The following KIF13B variants were observed in gnomAD, a reference collection of about 807,000 sequenced individuals.
KIF13B encodes the protein kinesin family member 13B.
In KIF13B, 127 loss-of-function variants were observed where a neutral mutation model predicts 222.0. The ratio of observed to expected loss-of-function variants is 0.57; its 90% CI spans 0.50 to 0.66. The LOEUF is 0.66. KIF13B is among the 30% of genes least tolerant of loss of function. KIF13B has a pLI of 0.00. For synonymous variants in KIF13B, 976 were observed against 919.0 expected, an observed-to-expected ratio of 1.06 and a Z score of -1.12; for missense variants, 2,173 against 2,379.0, an observed-to-expected ratio of 0.91 and a Z score of 1.80.
At chr8:29,180,776 AAAC>A (rs1812679184) in intron 7 of KIF13B, among the ~76,000 whole-genome samples, 1 of 152,112 alleles carries the variant, frequency 6.6e-6, no homozygotes, top group African/African-American at 2.4e-5. Flanking sequence ...TAAAAAAGAG[AAAC>A]AACAAAATAC....
rs551907005 is a variant in KIF13B, at chr8:29,089,517, G to A, written c.4458+3228C>T. On this transcript the variant is annotated intron_variant, in intron 37 of 39. Coordinates refer to ENST00000524189, the MANE Select transcript of KIF13B (RefSeq NM_015254.4). ...CTTCTATGTACCAGGCACCATTCTG[G>A]CACAACAAGCCTTGCCCTCAGGGAA... is the stretch of plus-strand genomic sequence containing the variant. 3.9e-5 allele frequency among the ~76,000 whole-genome samples: 6 copies of A among 152,230 alleles called. No homozygotes were observed. The South Asian group carries it at 8.3e-4, about 21-fold the overall frequency.
In KIF13B at chr8:29,108,257, G is replaced by A; in HGVS notation, c.4162-65C>T. On this transcript the variant is annotated intron_variant, in intron 34 of 39. Transcript: ENST00000524189. The stretch of plus-strand genomic sequence containing the variant: ...AGAGCATACACGTGGTCTAGGCAAC[G>A]CCAGTCTTTGCCAACCCAGTCAACC... The A allele has an allele frequency of 5.5e-6, 8 of 1,461,022 alleles. No individual in the cohort carries two copies. In the East Asian group the frequency reaches 7.1e-5, roughly 13 times the overall value. The allele number at this position is 1,461,022 out of a possible 1,614,324, so 90.5% of individuals were successfully genotyped here.
intron 21 of KIF13B, among the ~76,000 whole-genome samples, chr8:29,138,834 G>A (rs1366264993): frequency 2.6e-5 from 4 of 152,122 alleles, no homozygotes; most frequent in Admixed American, 2.6e-4. Flanking sequence ...GCATACCAGG[G>A]CCTAAAGACT....
At position 29,177,420 on chromosome 8, in the gene KIF13B, C is replaced by G. The variant is rs371733355; in HGVS notation, c.833+46G>C. 1.5e-4 allele frequency: 181 copies of G among 1,195,954 alleles called. No individual in the cohort carries two copies. The African/African-American group carries it at 2.3e-3, about 15-fold the overall frequency. The allele number at this position is 1,195,954 out of a possible 1,614,324, so 74.1% of individuals were successfully genotyped here. A position where few individuals can be genotyped will look rare whatever the true frequency, so the allele number is the denominator to read the frequency against. On this transcript the variant is annotated intron_variant, in intron 9 of 39. Coordinates refer to ENST00000524189, the MANE Select transcript of KIF13B (RefSeq NM_015254.4). ...ATAACCACAGATGTTCCCCTATTGG[C>G]TATTAAATAAATAAAGCAATAAAAA...
chr8:29,253,184 T>A (rs896505958), intron 1 of KIF13B, among the ~76,000 whole-genome samples: 8 of 151,532 alleles, frequency 5.3e-5, no homozygotes, highest in East Asian at 1.9e-4. Flanking sequence ...AAAACAAATT[T>A]AAAAAAAATA....
intron 2 of KIF13B, among the ~76,000 whole-genome samples, chr8:29,197,244 G>A (rs1813471120): frequency 1.4e-5 from 2 of 146,172 alleles, no homozygotes; most frequent in Admixed American, 1.4e-4. Flanking sequence ...GGCTGAGGCA[G>A]GAGAATGGCG....
chr8:29,251,196 T>G (rs997609760), intron 1 of KIF13B, among the ~76,000 whole-genome samples: 3 of 152,006 alleles, frequency 2.0e-5, no homozygotes, highest in African/African-American at 4.8e-5. Context: ...AGTTACAAAT[T>G]TAAGCCTTAA....
intron 1 of KIF13B, among the ~76,000 whole-genome samples, chr8:29,254,016 T>C (rs1010511904): frequency 2.0e-5 from 3 of 152,100 alleles, no homozygotes; most frequent in Admixed American, 2.0e-4. Context: ...TGGAATGGAA[T>C]TGGGAGTCCA....
intron 10 of KIF13B, among the ~76,000 whole-genome samples, chr8:29,174,451 G>A (rs576940094): frequency 1.9e-4 from 29 of 152,004 alleles, no homozygotes; most frequent in African/African-American, 6.7e-4. Flanking sequence ...TTTTTTTAGG[G>A]TAAAAGCACT....
intron 2 of KIF13B, among the ~76,000 whole-genome samples, chr8:29,233,671 T>G (rs533030246): frequency 7.2e-5 from 11 of 152,374 alleles, no homozygotes; most frequent in African/African-American, 2.6e-4. Flanking sequence ...AGATATTTTT[T>G]GAATTAGAAG....
At chr8:29,084,937 T>C (rs1807976897) in intron 37 of KIF13B, among the ~76,000 whole-genome samples, 1 of 152,216 alleles carries the variant, frequency 6.6e-6, no homozygotes. Flanking sequence ...AGTGCAGTAT[T>C]TTTGCATTTC....
chr8:29,179,397 G>A (rs1812616829), intron 8 of KIF13B, among the ~76,000 whole-genome samples: 1 of 152,214 alleles, frequency 6.6e-6, no homozygotes, highest in African/African-American at 2.4e-5. Context: ...GATTACAGGT[G>A]TGAGGCACAG....
At chr8:29,235,050 A>C (rs570948033) in intron 2 of KIF13B, among the ~76,000 whole-genome samples, 2 of 152,250 alleles carry the variant, frequency 1.3e-5, no homozygotes, top group East Asian at 1.9e-4. Context: ...CATTATAAAC[A>C]GAATTGTTTA....
intron 2 of KIF13B, among the ~76,000 whole-genome samples, chr8:29,211,955 A>G (rs1814247776): frequency 6.6e-6 from 1 of 152,216 alleles, no homozygotes; most frequent in Non-Finnish European, 1.5e-5. Context: ...ACTATAAAAT[A>G]TGTAGCTTTT....
At position 29,072,002 on chromosome 8, in the gene KIF13B, C is replaced by T. The variant is rs1188047085; in HGVS notation, c.4836G>A (p.Pro1612=). 3.1e-6 allele frequency: 4 copies of T among 1,291,238 alleles called. No homozygotes were observed. The highest frequency in any genetic ancestry group is 3.9e-6 in the Non-Finnish European group (4 of 1,022,076). The allele number at this position is 1,291,238 out of a possible 1,614,324, so 80.0% of individuals were successfully genotyped here. A position where few individuals can be genotyped will look rare whatever the true frequency, so the allele number is the denominator to read the frequency against. ...GCTCCTCGGCGGGGACGGCCGTGGG[C>T]GGTGGGGGGTGGCTGATGGGCGCCT... ...EPEAPISHPP[P]PTAVPAEEPP... The change falls in exon 39 of 40, where the codon CCG becomes CCA. Residue 1612 remains proline, a synonymous_variant. Coordinates refer to ENST00000524189, the MANE Select transcript of KIF13B (RefSeq NM_015254.4).
chr8:29,071,786 TC>T lies in KIF13B; in HGVS notation c.5051del (p.Gly1684AspfsTer34). The T allele has an allele frequency of 1.3e-6, 2 of 1,547,702 alleles. No individual in the cohort carries two copies. The highest frequency in any genetic ancestry group is 8.7e-7 in the Non-Finnish European group (1 of 1,146,374). ...CCTCGGAATCAGAGGCCAGGGCCTG[TC>T]CCCCGGCGCCCGGGGCCGGCGCATT... ...EGNAPAPGAG[G>X]QALASDSEEA... On this transcript the variant is annotated frameshift_variant, in exon 39 of 40. Transcript: ENST00000524189. LOFTEE classifies it high-confidence loss of function. The surrounding 1 kb of genome is among the most constrained non-coding windows in gnomAD (Gnocchi z 4.9).
intron 31 of KIF13B, among the ~76,000 whole-genome samples, chr8:29,115,890 G>A (rs183476962): frequency 1.3e-5 from 2 of 152,052 alleles, no homozygotes; most frequent in East Asian, 1.9e-4. Flanking sequence ...CAGTTCAAAC[G>A]CTGCCCTCCT....
chr8:29,172,598 T>A (rs1336047055), intron 10 of KIF13B, among the ~76,000 whole-genome samples: 2 of 152,200 alleles, frequency 1.3e-5, no homozygotes, highest in African/African-American at 2.4e-5. Flanking sequence ...GAAGTGAGTA[T>A]CCTTCTAATG....
intron 29 of KIF13B, among the ~76,000 whole-genome samples, chr8:29,122,036 C>G (rs1018239862): frequency 1.3e-5 from 2 of 151,888 alleles, no homozygotes; most frequent in African/African-American, 2.4e-5. Context: ...GGGCGGATCA[C>G]GAGGTCAGGA....
Sources: gnomAD v4.1 joint callset for allele counts (sites outside exome capture counted in the v4.1 genomes callset) on GRCh38, gnomAD v4.1.1 for gene constraint, Gnocchi (gnomAD v3.1) non-coding constraint, MANE v1.5 for transcripts, NCBI Gene and HGNC (gene_info 2026-07-23, HGNC 2026-07-21) for gene names.